ZYG11A: variants seen among roughly 807,000 people sequenced by gnomAD.
The protein encoded by ZYG11A is zyg-11 family member A, cell cycle regulator.
In ZYG11A, 62 loss-of-function variants were observed where a neutral mutation model predicts 77.2. That is an observed-to-expected ratio of 0.80 (90% CI 0.65 to 0.99). The LOEUF is 0.99. Among genes scored for constraint, ZYG11A ranks in the 50% least tolerant of loss-of-function variants. ZYG11A has a pLI of 0.00. For synonymous variants in ZYG11A, 315 were observed against 324.6 expected (o/e 0.97, Z 0.32); for missense variants, 828 against 896.8 (o/e 0.92, Z 0.98).
Position 52,842,913 on chromosome 1 carries a change from G to GC in ZYG11A, c.34dup (p.Arg12ProfsTer7), listed in dbSNP as rs1285132078. On this transcript the variant is annotated frameshift_variant, in exon 1 of 14. Coordinates refer to ENST00000371528, the MANE Select transcript of ZYG11A (RefSeq NM_001004339.3). LOFTEE classifies it high-confidence loss of function. ...TTCATTTCTTGCACCCGGGCCACAC[G>GC]CCCCGGAACATCGTCCCTCCTGACG... is the stretch of plus-strand genomic sequence containing the variant. 6.5e-7 allele frequency: 1 copy of GC among 1,530,148 alleles called. No homozygotes were observed. The highest frequency in any genetic ancestry group is 8.8e-7 in the Non-Finnish European group (1 of 1,138,062). 94.8% of individuals were successfully genotyped at this position (1,530,148 alleles called of 1,614,324 possible).
chr1:52,855,154 G>T (rs905068727), intron 2 of ZYG11A, among the ~76,000 whole-genome samples: 1 of 151,688 alleles, frequency 6.6e-6, no homozygotes, highest in African/African-American at 2.4e-5. Context: ...GAGCCACTGT[G>T]CCCGGCCTGC....
chr1:52,871,081 G>A (rs896672267), intron 8 of ZYG11A, among the ~76,000 whole-genome samples: 34 of 152,024 alleles, frequency 2.2e-4, no homozygotes, highest in Admixed American at 7.9e-4. Flanking sequence ...ATCTGGGATC[G>A]ATGGCACACC....
intron 11 of ZYG11A, among the ~76,000 whole-genome samples, chr1:52,882,828 T>C (rs1646383762): frequency 6.6e-6 from 1 of 152,176 alleles, no homozygotes; most frequent in Non-Finnish European, 1.5e-5. Flanking sequence ...TGTGGGTTTA[T>C]TTTCATTTTT....
chr1:52,869,671 G>A (rs1331611783), intron 8 of ZYG11A, among the ~76,000 whole-genome samples: 4 of 151,920 alleles, frequency 2.6e-5, no homozygotes, highest in East Asian at 1.9e-4. Flanking sequence ...GCAACCATCC[G>A]ATTTCTCAAT....
chr1:52,848,825 C>G (rs1458794324), intron 1 of ZYG11A, among the ~76,000 whole-genome samples: 3 of 152,128 alleles, frequency 2.0e-5, no homozygotes, highest in African/African-American at 2.4e-5. Context: ...CGAGATCATG[C>G]TACTGCACTG....
intron 1 of ZYG11A, among the ~76,000 whole-genome samples, chr1:52,852,718 A>G (rs1645737942): frequency 6.6e-6 from 1 of 152,200 alleles, no homozygotes; most frequent in African/African-American, 2.4e-5. Flanking sequence ...TTATATACCA[A>G]TAAAACCCTT....
intron 8 of ZYG11A, among the ~76,000 whole-genome samples, chr1:52,876,890 C>T (rs770304973): frequency 6.6e-5 from 10 of 152,228 alleles, no homozygotes; most frequent in Non-Finnish European, 7.3e-5. Context: ...TTTCCTCTCA[C>T]ATGACAGTCT....
intron 11 of ZYG11A, among the ~76,000 whole-genome samples, chr1:52,884,635 CAA>C (rs753380223): frequency 2.0e-5 from 3 of 151,878 alleles, no homozygotes; most frequent in South Asian, 2.1e-4. Context: ...GCCTGGGCAA[CAA>C]GAGTGAAAAT....
Position 52,844,569 on chromosome 1 carries a change from A to G in ZYG11A, c.90+1596A>G, listed in dbSNP as rs374433357. The stretch of plus-strand genomic sequence containing the variant: ...ATATTGCATGAATACTTTTTTCCCT[A>G]TGAAACATACATACAATTATTTCCA... On this transcript the variant is annotated intron_variant, in intron 1 of 13. Coordinates refer to ENST00000371528, the MANE Select transcript of ZYG11A (RefSeq NM_001004339.3). Among the ~76,000 whole-genome samples, 10 of 152,134 alleles carry G rather than the reference A, an allele frequency of 6.6e-5. No individual in the cohort carries two copies. The South Asian group carries it at 8.3e-4, about 13-fold the overall frequency.
chr1:52,864,342 T>G (rs1645983737), intron 5 of ZYG11A, among the ~76,000 whole-genome samples, 185 bp downstream of exon 5: 1 of 151,848 alleles, frequency 6.6e-6, no homozygotes, highest in Non-Finnish European at 1.5e-5. Flanking sequence ...GCCTCCCGGG[T>G]TCAAGCAATT....
At chr1:52,880,617 C>G (rs1272322939) in intron 10 of ZYG11A, among the ~76,000 whole-genome samples, 1 of 152,162 alleles carries the variant, frequency 6.6e-6, no homozygotes, top group Non-Finnish European at 1.5e-5. Context: ...TGTAGGGACT[C>G]TTTCTCTCTG....
At chr1:52,880,242 A>C (rs1571875461) in intron 10 of ZYG11A, among the ~76,000 whole-genome samples, 1 of 152,000 alleles carries the variant, frequency 6.6e-6, no homozygotes, top group Non-Finnish European at 1.5e-5. Flanking sequence ...GGTCTTGGGA[A>C]AAACAGGCGT....
At chr1:52,865,352 A>G (rs1646005829) in intron 5 of ZYG11A, among the ~76,000 whole-genome samples, 1 of 152,224 alleles carries the variant, frequency 6.6e-6, no homozygotes, top group South Asian at 2.1e-4. Flanking sequence ...AAAGAACTCA[A>G]CTTGTTAATA....
chr1:52,892,493 A>G (rs1646561939), intron 13 of ZYG11A, among the ~76,000 whole-genome samples: 1 of 151,474 alleles, frequency 6.6e-6, no homozygotes, highest in South Asian at 2.1e-4. Context: ...GCGCCACTGC[A>G]CTCCAGCCTG....
At chr1:52,889,226 C>T (rs911626687) in intron 13 of ZYG11A, among the ~76,000 whole-genome samples, 13 of 152,026 alleles carry the variant, frequency 8.6e-5, no homozygotes, top group African/African-American at 3.1e-4. Flanking sequence ...TCACTGCAGT[C>T]TCAGCTCAGG....
chr1:52,857,719 T>C lies in ZYG11A; in HGVS notation c.978T>C (p.Ser326=), dbSNP rs1645842254. 1 of 1,551,062 alleles carries C rather than the reference T, an allele frequency of 6.4e-7. No individual in the cohort carries two copies. The highest frequency in any genetic ancestry group is 1.4e-5 in the African/African-American group (1 of 73,042). The change falls in exon 3 of 14, where the codon TCT becomes TCC. Residue 326 remains serine (S), a synonymous_variant. Coordinates refer to ENST00000371528, the MANE Select transcript of ZYG11A (RefSeq NM_001004339.3). ...VGLLATDAGS[S]DFFTTKQGLR... is the part of the protein sequence containing the mutation. Reference sequence around the variant, plus strand: ...TATTGGCCACGGATGCTGGCTCTTCTGACTTCTTTACTACAAAGCAAGGCT... The same window carrying C: ...TATTGGCCACGGATGCTGGCTCTTCCGACTTCTTTACTACAAAGCAAGGCT...
chr1:52,881,455 T>C lies in ZYG11A; in HGVS notation c.1750-16T>C, dbSNP rs943250134. ...CCTTCTTGTCTCTGGGGTTCTCTGCTCCATCTGACCTGTAGAACAACATAG... is the reference window on the plus strand; with the variant it reads ...CCTTCTTGTCTCTGGGGTTCTCTGCCCCATCTGACCTGTAGAACAACATAG... On this transcript the variant is annotated splice_polypyrimidine_tract_variant and intron_variant, in intron 10 of 13. Transcript: ENST00000371528. The C allele has an allele frequency of 6.6e-6, 10 of 1,520,262 alleles. No individual in the cohort carries two copies. In the East Asian group the frequency reaches 2.5e-4, roughly 38 times the overall value. 94.2% of individuals were successfully genotyped at this position (1,520,262 alleles called of 1,614,324 possible).
chr1:52,856,265 C>T (rs796572072), intron 2 of ZYG11A, among the ~76,000 whole-genome samples: 21 of 152,142 alleles, frequency 1.4e-4, no homozygotes, highest in African/African-American at 5.1e-4. Context: ...TCACAGGTGT[C>T]TGATTACCTT....
chr1:52,863,056 T>C (rs1238250922), intron 4 of ZYG11A, among the ~76,000 whole-genome samples: 1 of 152,194 alleles, frequency 6.6e-6, no homozygotes. Flanking sequence ...TTTGTGAAAA[T>C]CACATTTCTT....
Sources: gnomAD v4.1 joint callset for allele counts (sites outside exome capture counted in the v4.1 genomes callset) on GRCh38, gnomAD v4.1.1 for gene constraint, MANE v1.5 for transcripts, NCBI Gene and HGNC (gene_info 2026-07-23, HGNC 2026-07-21) for gene names.